FRMD4A: variants seen among roughly 807,000 people sequenced by gnomAD.
The protein encoded by FRMD4A is FERM domain containing 4A.
A neutral mutation model predicts 129.1 loss-of-function variants in FRMD4A; 29 were observed. The ratio of observed to expected loss-of-function variants is 0.22; its 90% CI spans 0.17 to 0.31. The LOEUF (loss-of-function observed/expected upper bound fraction) is 0.31. FRMD4A is among the 10% of genes least tolerant of loss of function. The pLI is 1.00. For missense variants in FRMD4A, 1,272 were observed against 1,375.8 expected, an observed-to-expected ratio of 0.92 and a Z score of 1.19; for synonymous variants, 634 against 571.6, an observed-to-expected ratio of 1.11 and a Z score of -1.56.
chr10:14,245,428 G>A (rs1312927977), intron 2 of FRMD4A, among the ~76,000 whole-genome samples: 1 of 152,194 alleles, frequency 6.6e-6, no homozygotes, highest in Non-Finnish European at 1.5e-5. Flanking sequence ...AAGGTAGAGA[G>A]GAATGTCTAG....
intron 2 of FRMD4A, among the ~76,000 whole-genome samples, chr10:13,873,030 G>C (rs2094454130): frequency 6.6e-6 from 1 of 151,898 alleles, no homozygotes; most frequent in Non-Finnish European, 1.5e-5. Context: ...ACAAAAATTA[G>C]CCGGGCATGG....
At chr10:14,133,679 T>G (rs1839384124) in intron 2 of FRMD4A, among the ~76,000 whole-genome samples, 1 of 152,214 alleles carries the variant, frequency 6.6e-6, no homozygotes, top group Non-Finnish European at 1.5e-5. Context: ...CTCACTCCCA[T>G]GTGCTATATC....
At chr10:14,308,222 A>G (rs1188818852) in intron 2 of FRMD4A, among the ~76,000 whole-genome samples, 1 of 152,224 alleles carries the variant, frequency 6.6e-6, no homozygotes, top group Non-Finnish European at 1.5e-5. Context: ...ATTGATACCA[A>G]CTGTAAACTC....
At chr10:14,079,193 G>T (rs192596311) in intron 2 of FRMD4A, among the ~76,000 whole-genome samples, 53 of 152,332 alleles carry the variant, frequency 3.5e-4, no homozygotes, top group Non-Finnish European at 6.0e-4. Context: ...GATGGGGAAG[G>T]TGAGCTGTGG....
At chr10:14,058,063 G>A (rs1170360365) in intron 2 of FRMD4A, among the ~76,000 whole-genome samples, 1 of 152,164 alleles carries the variant, frequency 6.6e-6, no homozygotes, top group Non-Finnish European at 1.5e-5. Flanking sequence ...GGCCTTCCAG[G>A]GACACAGGCA....
chr10:14,310,311 C>T (rs1001356346), intron 2 of FRMD4A, among the ~76,000 whole-genome samples: 3 of 152,180 alleles, frequency 2.0e-5, no homozygotes, highest in Non-Finnish European at 4.4e-5. Context: ...CTTTTCACTC[C>T]CCTCAGGCAA....
intron 2 of FRMD4A, among the ~76,000 whole-genome samples, chr10:14,176,076 C>G (rs911266148): frequency 2.6e-5 from 4 of 152,136 alleles, no homozygotes; most frequent in African/African-American, 9.7e-5. Flanking sequence ...GTTTAGGGAT[C>G]CCTAATATTT....
chr10:13,978,885 A>G (rs1264893639), intron 2 of FRMD4A, among the ~76,000 whole-genome samples: 1 of 152,190 alleles, frequency 6.6e-6, no homozygotes, highest in East Asian at 1.9e-4. Context: ...GCAAGCCAAG[A>G]GCTATGCTTA....
At chr10:13,967,348 A>T (rs1468927775) in intron 2 of FRMD4A, among the ~76,000 whole-genome samples, 3 of 152,146 alleles carry the variant, frequency 2.0e-5, no homozygotes, top group East Asian at 3.9e-4. Context: ...AAGAAAAAAA[A>T]AAAGAATGAC....
chr10:13,860,944 G>A (rs573350322), intron 2 of FRMD4A, among the ~76,000 whole-genome samples: 3 of 152,176 alleles, frequency 2.0e-5, no homozygotes, highest in African/African-American at 7.2e-5. Context: ...TCTCTCATGC[G>A]CCACGGGACG....
chr10:13,890,466 A>T (rs1383179887), intron 2 of FRMD4A: 4 of 935,788 alleles, frequency 4.3e-6, no homozygotes, highest in Non-Finnish European at 5.1e-6. Flanking sequence ...GCTGTTGGAA[A>T]AGGACGACTT....
At chr10:14,010,750 T>C (rs2095679394) in intron 2 of FRMD4A, among the ~76,000 whole-genome samples, 1 of 138,976 alleles carries the variant, frequency 7.2e-6, no homozygotes, top group Non-Finnish European at 1.5e-5. Flanking sequence ...GCTCAAGCAA[T>C]CTCCTCGCTT....
intron 3 of FRMD4A, among the ~76,000 whole-genome samples, chr10:13,855,579 C>A (rs959562948): frequency 3.3e-5 from 5 of 152,102 alleles, no homozygotes; most frequent in African/African-American, 1.2e-4. Context: ...AGCTCCAGGT[C>A]AAAAGATCAG....
At chr10:13,884,168 T>TCACACACACTCACA (rs745788719) in intron 2 of FRMD4A, among the ~76,000 whole-genome samples, 1 of 67,454 alleles carries the variant, frequency 1.5e-5, no homozygotes, top group South Asian at 6.9e-4. Context: ...ACACACACAC[T>TCACACACACTCACA]CACACACTCA....
intron 12 of FRMD4A, among the ~76,000 whole-genome samples, chr10:13,718,851 C>T (rs1462630386): frequency 1.3e-5 from 2 of 152,248 alleles, no homozygotes; most frequent in African/African-American, 2.4e-5. Flanking sequence ...TCATGTGGTG[C>T]CGTAATGGCT....
At chr10:14,243,242 C>T (rs769138984) in intron 2 of FRMD4A, among the ~76,000 whole-genome samples, 8 of 152,168 alleles carry the variant, frequency 5.3e-5, no homozygotes, top group Admixed American at 1.3e-4. Flanking sequence ...ATAATCCTCA[C>T]GTGTCGAGGG....
At chr10:13,715,551 T>C (rs1255624796) in intron 12 of FRMD4A, among the ~76,000 whole-genome samples, 1 of 152,202 alleles carries the variant, frequency 6.6e-6, no homozygotes, top group East Asian at 1.9e-4. Context: ...AGGGCTGCTG[T>C]ACTAATGAAT....
intron 2 of FRMD4A, among the ~76,000 whole-genome samples, chr10:14,086,785 A>G (rs1276853831): frequency 1.3e-5 from 2 of 152,152 alleles, no homozygotes; most frequent in Admixed American, 1.3e-4. Flanking sequence ...GACACCACTG[A>G]GCGGACTCAT....
chr10:14,321,182 G>A (rs903737720), intron 2 of FRMD4A, among the ~76,000 whole-genome samples: 5 of 151,868 alleles, frequency 3.3e-5, no homozygotes, highest in Admixed American at 2.0e-4. Flanking sequence ...AGTATGTGAT[G>A]GGTTAAATGA....
Sources: gnomAD v4.1 joint callset for allele counts (sites outside exome capture counted in the v4.1 genomes callset) on GRCh38, gnomAD v4.1.1 for gene constraint, MANE v1.5 for transcripts, NCBI Gene and HGNC (gene_info 2026-07-23, HGNC 2026-07-21) for gene names.